PIKFYVE: variants seen among roughly 807,000 people sequenced by gnomAD.
The protein encoded by PIKFYVE is 1-phosphatidylinositol 3-phosphate 5-kinase.
In PIKFYVE, 122 loss-of-function variants were observed where a neutral mutation model predicts 257.9. The observed-to-expected ratio is 0.47, with a 90% CI of 0.41 to 0.55. The LOEUF is 0.55. PIKFYVE is among the 20% of genes least tolerant of loss of function. The pLI is 0.00. For synonymous variants in PIKFYVE, 892 were observed against 868.9 expected (o/e 1.03, Z -0.47); for missense variants, 2,160 against 2,536.6 (o/e 0.85, Z 3.19).
intron 6 of PIKFYVE, among the ~76,000 whole-genome samples, chr2:208,286,597 C>A (rs1009683782): frequency 6.6e-6 from 1 of 151,794 alleles, no homozygotes; most frequent in Non-Finnish European, 1.5e-5. Flanking sequence ...AGTGTAGTGG[C>A]GTGATCATAG....
At position 208,335,786 on chromosome 2, in the gene PIKFYVE, T is replaced by G; in HGVS notation, c.4257-7T>G. The G allele has an allele frequency of 6.3e-7, 1 of 1,594,276 alleles. No homozygotes were observed. ...TCTAAAGTGTTTAATGCTCTCGCTA[T>G]TGTTAGAGTTTCACAGGTATATGTT... On this transcript the variant is annotated splice_polypyrimidine_tract_variant and splice_region_variant and intron_variant, in intron 25 of 41. Coordinates refer to ENST00000264380, the MANE Select transcript of PIKFYVE (RefSeq NM_015040.4).
intron 10 of PIKFYVE, among the ~76,000 whole-genome samples, chr2:208,303,430 C>T (rs979560793): frequency 6.6e-6 from 1 of 152,064 alleles, no homozygotes; most frequent in Non-Finnish European, 1.5e-5. Flanking sequence ...TTATTGATAA[C>T]AGACAATTAA....
intron 5 of PIKFYVE, among the ~76,000 whole-genome samples, chr2:208,284,498 T>G (rs1006148500): frequency 6.6e-6 from 1 of 152,152 alleles, no homozygotes; most frequent in East Asian, 1.9e-4. Flanking sequence ...TGACCTCAGG[T>G]GATTTATCCG....
intron 7 of PIKFYVE, among the ~76,000 whole-genome samples, chr2:208,292,311 C>T (rs1692415721): frequency 1.3e-5 from 2 of 152,002 alleles, no homozygotes; most frequent in Admixed American, 1.3e-4. Flanking sequence ...ATTATATCCA[C>T]CTGATTAATG....
intron 1 of PIKFYVE, among the ~76,000 whole-genome samples, chr2:208,271,014 C>T (rs1476605657): frequency 6.9e-6 from 1 of 144,636 alleles, no homozygotes; most frequent in Non-Finnish European, 1.5e-5. Context: ...CCAGTCTGGG[C>T]GACAGAGCAA....
chr2:208,273,120 A>G (rs1689650586), intron 2 of PIKFYVE, among the ~76,000 whole-genome samples: 1 of 152,202 alleles, frequency 6.6e-6, no homozygotes, highest in Admixed American at 6.5e-5. Flanking sequence ...AACTGTTTTG[A>G]TAGTGTAAGG....
At chr2:208,269,559 T>C in intron 1 of PIKFYVE, 1 of 283,410 alleles carries the variant, frequency 3.5e-6, no homozygotes, top group South Asian at 4.1e-5. Flanking sequence ...TCTTGGCTGC[T>C]GCCTGGAGCA....
chr2:208,334,907 G>A (rs1697963436), intron 24 of PIKFYVE, among the ~76,000 whole-genome samples: 1 of 152,046 alleles, frequency 6.6e-6, no homozygotes, highest in Non-Finnish European at 1.5e-5. Context: ...TTTATTAGTC[G>A]ATATAAACCC....
chr2:208,303,368 G>A (rs1693951241), intron 10 of PIKFYVE, among the ~76,000 whole-genome samples: 1 of 152,014 alleles, frequency 6.6e-6, no homozygotes, highest in South Asian at 2.1e-4. Context: ...ATTCACGGAT[G>A]TTTGACTTCC....
At chr2:208,285,027 C>G (rs933290726) in intron 5 of PIKFYVE, among the ~76,000 whole-genome samples, 1 of 151,904 alleles carries the variant, frequency 6.6e-6, no homozygotes, top group African/African-American at 2.4e-5. Flanking sequence ...GAAAAAAATA[C>G]TCTTTTAAGC....
chr2:208,286,672 C>A (rs537569892), intron 6 of PIKFYVE, among the ~76,000 whole-genome samples: 225 of 151,954 alleles, frequency 1.5e-3, no homozygotes, highest in Non-Finnish European at 2.6e-3. Context: ...AGGCGCACAC[C>A]ACTGTGCTTG....
intron 41 of PIKFYVE, among the ~76,000 whole-genome samples, chr2:208,354,918 C>A (rs1700069486): frequency 6.6e-6 from 1 of 152,202 alleles, no homozygotes; most frequent in African/African-American, 2.4e-5. Flanking sequence ...ACACTTGAGA[C>A]TTCCAAGTTC....
chr2:208,353,722 A>G (rs889471386), intron 39 of PIKFYVE, among the ~76,000 whole-genome samples, 176 bp from the exon 40 acceptor site: 1 of 152,202 alleles, frequency 6.6e-6, no homozygotes, highest in East Asian at 1.9e-4. Flanking sequence ...GTACTGTACA[A>G]TGATATCACC....
intron 21 of PIKFYVE, 80 bp downstream of exon 21, chr2:208,328,360 GT>G: frequency 6.4e-7 from 1 of 1,558,932 alleles, no homozygotes; most frequent in Non-Finnish European, 8.8e-7. Flanking sequence ...CAAAAAAACA[GT>G]CATTAGGACC....
At chr2:208,343,002 T>C (rs1034422820) in intron 32 of PIKFYVE, among the ~76,000 whole-genome samples, 1 of 151,864 alleles carries the variant, frequency 6.6e-6, no homozygotes, top group Non-Finnish European at 1.5e-5. Flanking sequence ...ACCATAATGG[T>C]TGGGCTGGTC....
rs549052567 is a variant in PIKFYVE at position 208,292,415 on chromosome 2, G to T, written c.911+3597G>T. Among the ~76,000 whole-genome samples the T allele has an allele frequency of 6.2e-4, 94 of 152,218 alleles. 1 individual carries two copies. Among genetic ancestry groups the T allele is most frequent in the Middle Eastern group, 6.8e-3 (2 of 294 alleles). ...GGTTAAAGTCTCCAGCTATAATAAT[G>T]AATTCGTCCATTTCTCCTGTAGTTC... is the stretch of plus-strand genomic sequence containing the variant. On this transcript the variant is annotated intron_variant, in intron 7 of 41. Transcript: ENST00000264380.
At chr2:208,288,958 CT>C in intron 7 of PIKFYVE, 140 bp downstream of exon 7, 1 of 1,148,610 alleles carries the variant, frequency 8.7e-7, no homozygotes, top group Non-Finnish European at 1.2e-6. Flanking sequence ...CTATCATTTT[CT>C]TTTTGCTATT....
intron 16 of PIKFYVE, among the ~76,000 whole-genome samples, chr2:208,318,400 A>G (rs1052659853): frequency 9.9e-5 from 15 of 152,162 alleles, no homozygotes; most frequent in Admixed American, 9.2e-4. Context: ...GTGGAGTGAG[A>G]TAACCTGGGG....
rs146420695 is a variant in PIKFYVE at position 208,285,857 on chromosome 2, A to G, written c.745A>G (p.Ser249Gly). The change falls in exon 6 of 42, where the codon AGT becomes GGT. Residue 249 changes from serine to glycine, a missense_variant. Around this residue, in one of 12 missense-constraint regions of PIKFYVE, gnomAD observed 187 missense variants for 185.6 expected, o/e 1.01. Transcript: ENST00000264380. ...TTGCTCTGTGTCTGTGCTTGATCCAAGTGAACCCCGAACACCTGTTGGGAG... is the reference window on the plus strand; with the variant it reads ...TTGCTCTGTGTCTGTGCTTGATCCAGGTGAACCCCGAACACCTGTTGGGAG... ...SACSVSVLDP[S>G]EPRTPVGSRK... 2.5e-6 allele frequency: 4 copies of G among 1,614,148 alleles called. No individual in the cohort carries two copies. The highest frequency in any genetic ancestry group is 1.1e-5 in the South Asian group (1 of 91,090).
Sources: gnomAD v4.1 joint callset for allele counts (sites outside exome capture counted in the v4.1 genomes callset) on GRCh38, gnomAD v4.1.1 for gene constraint, gnomAD v4.1.1 regional missense constraint, MANE v1.5 for transcripts, NCBI Gene and HGNC (gene_info 2026-07-23, HGNC 2026-07-21) for gene names.